Variants in PI4KA observed in about 807,000 individuals in gnomAD.
PI4KA encodes the protein phosphatidylinositol 4-kinase alpha.
PI4KA carries 122 observed loss-of-function variants against 271.4 expected under a neutral mutation model. That is an observed-to-expected ratio of 0.45 (90% CI 0.39 to 0.52). The LOEUF is 0.52. Ranked by LOEUF, PI4KA falls within the 20% of genes least tolerant of loss-of-function variation. PI4KA has a pLI of 0.00. For missense variants in PI4KA, 1,969 were observed against 2,769.1 expected (o/e 0.71, Z 6.48); for synonymous variants, 1,041 against 1,078.8 (o/e 0.96, Z 0.69).
chr22:20,779,579 C>T (rs546348526), intron 19 of PI4KA: 24 of 1,614,196 alleles, frequency 1.5e-5, no homozygotes, highest in East Asian at 2.2e-5. Flanking sequence ...TCAGTGAAGA[C>T]GACGACTACA....
chr22:20,723,309 C>T (rs894951906), intron 42 of PI4KA, among the ~76,000 whole-genome samples: 11 of 152,074 alleles, frequency 7.2e-5, no homozygotes, highest in Middle Eastern at 3.4e-3. Flanking sequence ...CGTGAGCCAC[C>T]GCGCCCGGCC....
At chr22:20,731,716 T>C (rs1303630607) in intron 36 of PI4KA, among the ~76,000 whole-genome samples, 3 of 152,082 alleles carry the variant, frequency 2.0e-5, no homozygotes, top group Non-Finnish European at 4.4e-5. Context: ...GATCACGAGG[T>C]CAGGAAATCG....
rs8138952 is a variant in PI4KA, at chr22:20,711,079, G to A, written c.5924-221C>T. 23,455 of 577,128 alleles carry A rather than the reference G, an allele frequency of 0.041. 574 individuals carry two copies. The highest frequency in any genetic ancestry group is 0.052 in the Non-Finnish European group (16,670 of 323,048). The allele number at this position is 577,128 out of a possible 1,614,324, so 35.8% of individuals were successfully genotyped here. A position where few individuals can be genotyped will look rare whatever the true frequency, so the allele number is the denominator to read the frequency against. ...GAGGAAGGAGCCAAGCTGGGGCACT[G>A]AACCTGGACCAGCCCCACTCCGCCC... On this transcript the variant is annotated intron_variant, in intron 51 of 54. Coordinates refer to ENST00000255882, the MANE Select transcript of PI4KA (RefSeq NM_058004.4).
At chr22:20,764,606 C>G in intron 22 of PI4KA, 1 of 520,070 alleles carries the variant, frequency 1.9e-6, no homozygotes, top group South Asian at 2.7e-5. Context: ...TGATGCGGAG[C>G]TTAGATACTG....
intron 1 of PI4KA, among the ~76,000 whole-genome samples, chr22:20,839,482 C>T (rs573025190): frequency 4.6e-5 from 7 of 152,288 alleles, no homozygotes; most frequent in South Asian, 2.1e-4. Flanking sequence ...CCCTTGACCA[C>T]GAACAGGTTA....
intron 29 of PI4KA, among the ~76,000 whole-genome samples, chr22:20,746,428 G>C (rs1930125064): frequency 2.0e-5 from 3 of 152,118 alleles, no homozygotes; most frequent in Non-Finnish European, 4.4e-5. Flanking sequence ...CAAATTTTCT[G>C]GGGAAAAAGA....
chr22:20,803,821 G>T (rs1413365807), intron 12 of PI4KA, among the ~76,000 whole-genome samples: 1 of 152,172 alleles, frequency 6.6e-6, no homozygotes, highest in Admixed American at 6.5e-5. Flanking sequence ...CCTGGCCAGG[G>T]GATATAGATT....
intron 19 of PI4KA, among the ~76,000 whole-genome samples, chr22:20,790,660 CAAAAATAAAAAT>C (rs1255663756): frequency 6.8e-6 from 1 of 146,684 alleles, no homozygotes; most frequent in African/African-American, 2.5e-5. Flanking sequence ...GACTCTGTCT[CAAAAATAAAAAT>C]AAAAATAAAA....
chr22:20,741,817 T>C (rs1841158110), intron 32 of PI4KA, among the ~76,000 whole-genome samples: 1 of 152,194 alleles, frequency 6.6e-6, no homozygotes, highest in African/African-American at 2.4e-5. Context: ...TAAACTTCCT[T>C]GTGGGCACCC....
At chr22:20,756,882 G>T (rs191466104) in intron 23 of PI4KA, among the ~76,000 whole-genome samples, 1 of 152,114 alleles carries the variant, frequency 6.6e-6, no homozygotes, top group Non-Finnish European at 1.5e-5. Context: ...TGCCCACCTC[G>T]GCTCCCAAAG....
chr22:20,762,591 G>A (rs1932086106), intron 22 of PI4KA, among the ~76,000 whole-genome samples: 1 of 152,212 alleles, frequency 6.6e-6, no homozygotes, highest in African/African-American at 2.4e-5. Flanking sequence ...GGGAAAGGCA[G>A]AGGTAGCTCT....
intron 1 of PI4KA, among the ~76,000 whole-genome samples, chr22:20,839,707 G>A (rs1450388469): frequency 1.3e-5 from 2 of 152,118 alleles, no homozygotes; most frequent in African/African-American, 4.8e-5. Context: ...GCGAGCGGCT[G>A]TAATCCCAGC....
intron 42 of PI4KA, among the ~76,000 whole-genome samples, chr22:20,725,185 G>T (rs1927200899): frequency 6.6e-6 from 1 of 152,214 alleles, no homozygotes; most frequent in Admixed American, 6.5e-5. Context: ...GACACATGGA[G>T]TCTGCTGCCC....
chr22:20,789,583 G>A (rs1934501308), intron 19 of PI4KA, among the ~76,000 whole-genome samples: 1 of 152,182 alleles, frequency 6.6e-6, no homozygotes, highest in Non-Finnish European at 1.5e-5. Flanking sequence ...GCCCACCTTG[G>A]CCTCCCAAAG....
At chr22:20,791,023 G>C (rs1206802713) in intron 19 of PI4KA, among the ~76,000 whole-genome samples, 1 of 152,096 alleles carries the variant, frequency 6.6e-6, no homozygotes, top group East Asian at 1.9e-4. Flanking sequence ...AGAGGCGCAG[G>C]CTCACACACG....
At chr22:20,726,062 A>G (rs1355974934) in intron 42 of PI4KA, among the ~76,000 whole-genome samples, 2 of 152,226 alleles carry the variant, frequency 1.3e-5, no homozygotes, top group African/African-American at 2.4e-5. Context: ...GAATGAGAAT[A>G]GACATTTCTG....
intron 10 of PI4KA, among the ~76,000 whole-genome samples, chr22:20,806,800 G>T (rs1487589458): frequency 1.3e-5 from 2 of 151,732 alleles, no homozygotes; most frequent in African/African-American, 4.8e-5. Context: ...GCACGATCTG[G>T]GCTCACTGCA....
intron 8 of PI4KA, among the ~76,000 whole-genome samples, chr22:20,811,658 G>A (rs1189948596): frequency 2.7e-5 from 4 of 147,224 alleles, no homozygotes; most frequent in African/African-American, 1.0e-4. Flanking sequence ...TTTGATGAAA[G>A]TCATTTCCAA....
At chr22:20,785,380 T>C (rs1934138353) in intron 19 of PI4KA, among the ~76,000 whole-genome samples, 1 of 152,168 alleles carries the variant, frequency 6.6e-6, no homozygotes, top group Admixed American at 6.5e-5. Context: ...CCATTTGACT[T>C]TTAATTGAGA....
Sources: allele counts gnomAD v4.1 joint callset (sites outside exome capture counted in the v4.1 genomes callset), GRCh38; gene constraint gnomAD v4.1.1; transcripts MANE v1.5; gene names NCBI Gene and HGNC (gene_info 2026-07-23, HGNC 2026-07-21).